The following FCHO2 variants were observed in gnomAD, a reference collection of about 807,000 sequenced individuals.
FCHO2 encodes F-BAR domain only protein 2.
A neutral mutation model predicts 114.1 loss-of-function variants in FCHO2; 43 were observed. That is an observed-to-expected ratio of 0.38 (90% CI 0.30 to 0.49). The LOEUF (loss-of-function observed/expected upper bound fraction) is 0.49. Ranked by LOEUF, FCHO2 falls within the 20% of genes least tolerant of loss-of-function variation. FCHO2 has a pLI of 0.97. For synonymous variants in FCHO2, 293 were observed against 315.2 expected, an observed-to-expected ratio of 0.93 and a Z score of 0.75; for missense variants, 807 against 950.4, an observed-to-expected ratio of 0.85 and a Z score of 1.98.
intron 2 of FCHO2, among the ~76,000 whole-genome samples, chr5:72,977,255 AT>A (rs1203187425): frequency 5.3e-5 from 8 of 152,126 alleles, no homozygotes; most frequent in Admixed American, 3.3e-4. Context: ...GTGTAAAAGC[AT>A]TCCTGTTTCT....
chr5:72,962,003 T>C (rs1751902095), intron 1 of FCHO2, among the ~76,000 whole-genome samples: 1 of 152,332 alleles, frequency 6.6e-6, no homozygotes, highest in East Asian at 1.9e-4. Context: ...AGGCCCAACT[T>C]GTTCCCATTG....
chr5:72,965,563 C>T (rs1206466689), intron 1 of FCHO2, among the ~76,000 whole-genome samples: 1 of 152,068 alleles, frequency 6.6e-6, no homozygotes, highest in Non-Finnish European at 1.5e-5. Flanking sequence ...TGAAGTGTGC[C>T]TGTATTTTAC....
chr5:72,987,234 T>TC (rs1753575243), intron 2 of FCHO2, among the ~76,000 whole-genome samples: 1 of 152,086 alleles, frequency 6.6e-6, no homozygotes, highest in Non-Finnish European at 1.5e-5. Flanking sequence ...CCATGACCTG[T>TC]CATGAGGTCA....
intron 10 of FCHO2, among the ~76,000 whole-genome samples, chr5:73,040,614 G>A (rs962350530): frequency 6.6e-6 from 1 of 152,034 alleles, no homozygotes; most frequent in South Asian, 2.1e-4. Flanking sequence ...CTTTTCACTA[G>A]TGTATATGCA....
intron 9 of FCHO2, among the ~76,000 whole-genome samples, 199 bp downstream of exon 9, chr5:73,034,900 A>G (rs541401623): frequency 6.6e-6 from 1 of 152,334 alleles, no homozygotes; most frequent in African/African-American, 2.4e-5. Flanking sequence ...CCAAAATAAT[A>G]TTAGTGTGTT....
intron 6 of FCHO2, among the ~76,000 whole-genome samples, chr5:73,013,937 GC>G: frequency 6.6e-6 from 1 of 152,238 alleles, no homozygotes; most frequent in African/African-American, 2.4e-5. Context: ...GCTGGCCTCG[GC>G]CTCCCAAAGT....
intron 18 of FCHO2, among the ~76,000 whole-genome samples, chr5:73,067,386 C>T (rs986509467): frequency 2.0e-5 from 3 of 151,936 alleles, no homozygotes; most frequent in African/African-American, 7.3e-5. Flanking sequence ...CCTTGGTCTG[C>T]GTATATACAC....
At chr5:73,083,756 A>G (rs1189532098) in intron 24 of FCHO2, among the ~76,000 whole-genome samples, 2 of 152,072 alleles carry the variant, frequency 1.3e-5, no homozygotes, top group Non-Finnish European at 2.9e-5. Flanking sequence ...GCTGGGCGTC[A>G]TGGTGCACGC....
At chr5:72,976,239 C>T (rs1005715453) in intron 2 of FCHO2, among the ~76,000 whole-genome samples, 3 of 152,070 alleles carry the variant, frequency 2.0e-5, no homozygotes, top group African/African-American at 7.2e-5. Flanking sequence ...TGTGGAGCAT[C>T]TTTGCTTTTA....
At chr5:73,015,983 A>C (rs1755286440) in intron 7 of FCHO2, among the ~76,000 whole-genome samples, 1 of 152,116 alleles carries the variant, frequency 6.6e-6, no homozygotes, top group East Asian at 1.9e-4. Context: ...TGAATTTCTA[A>C]AGCTATCAAC....
chr5:72,974,355 A>ATGAATTTTGTAGGTTTG (rs1752741601), intron 2 of FCHO2, among the ~76,000 whole-genome samples: 1 of 142,294 alleles, frequency 7.0e-6, no homozygotes, highest in African/African-American at 2.6e-5. Context: ...TTTGTAGGTC[A>ATGAATTTTGTAGGTTTG]CTCAGGACTT....
At chr5:72,995,412 C>T (rs993170952) in intron 5 of FCHO2, among the ~76,000 whole-genome samples, 1 of 152,014 alleles carries the variant, frequency 6.6e-6, no homozygotes, top group Non-Finnish European at 1.5e-5. Context: ...TGTGCCACCT[C>T]GCCTGGCTAA....
At chr5:73,042,900 C>A (rs6452801) in intron 11 of FCHO2, among the ~76,000 whole-genome samples, 45,253 of 151,982 alleles carry the variant, frequency 0.3, 6,960 homozygotes, top group East Asian at 0.44. Context: ...AGTGTCTAAT[C>A]ATATTGGCAA....
intron 2 of FCHO2, among the ~76,000 whole-genome samples, chr5:72,982,724 A>T (rs562828195): frequency 6.6e-6 from 1 of 151,184 alleles, no homozygotes; most frequent in South Asian, 2.1e-4. Context: ...GTTTTCTCCT[A>T]TGTTATCTTC....
intron 5 of FCHO2, among the ~76,000 whole-genome samples, chr5:73,005,427 T>C (rs1490906999): frequency 1.3e-5 from 2 of 152,198 alleles, no homozygotes; most frequent in Non-Finnish European, 2.9e-5. Context: ...TTTGAAACTT[T>C]TTTTGTTCTC....
At chr5:72,997,073 G>T in intron 5 of FCHO2, 1 of 1,272,538 alleles carries the variant, frequency 7.9e-7, no homozygotes, top group Non-Finnish European at 1.1e-6. Context: ...TTCTTGTCCT[G>T]GAATCAGCTA....
chr5:73,075,757 G>A (rs1488929825), intron 20 of FCHO2, among the ~76,000 whole-genome samples: 1 of 152,130 alleles, frequency 6.6e-6, no homozygotes, highest in African/African-American at 2.4e-5. Context: ...TAGCAGAGCA[G>A]GTGATGAGTA....
At chr5:73,081,509 C>G (rs1182510155) in intron 22 of FCHO2, among the ~76,000 whole-genome samples, 1 of 152,106 alleles carries the variant, frequency 6.6e-6, no homozygotes, top group Non-Finnish European at 1.5e-5. Flanking sequence ...GGGCCCTGTC[C>G]CTAAGCTGTT....
At chr5:72,997,588 C>T (rs549470172) in intron 5 of FCHO2, 78 of 1,358,418 alleles carry the variant, frequency 5.7e-5, no homozygotes, top group Admixed American at 4.2e-4. Context: ...CCCTCAGGTT[C>T]ACCGCTGATG....
Sources: gnomAD v4.1 joint callset for allele counts (sites outside exome capture counted in the v4.1 genomes callset) on GRCh38, gnomAD v4.1.1 for gene constraint, MANE v1.5 for transcripts, NCBI Gene and HGNC (gene_info 2026-07-23, HGNC 2026-07-21) for gene names.